ADAMTS17: variants seen among roughly 807,000 people sequenced by gnomAD.
ADAMTS17 encodes ADAM metallopeptidase with thrombospondin type 1 motif 17, also known as A disintegrin and metalloproteinase with thrombospondin motifs 17.
In ADAMTS17, 113 loss-of-function variants were observed where a neutral mutation model predicts 141.5. The ratio of observed to expected loss-of-function variants is 0.80; its 90% confidence interval spans 0.69 to 0.93. ADAMTS17 has a LOEUF of 0.93. Ranked by LOEUF, ADAMTS17 falls within the 40% of genes least tolerant of loss-of-function variation. The probability of loss-of-function intolerance (pLI) is 0.00; values close to 1 mark genes in which losing one functional copy is unlikely to be tolerated. For synonymous variants in ADAMTS17, 768 were observed against 630.6 expected (o/e 1.22, Z -3.27); for missense variants, 1,659 against 1,517.9 (o/e 1.09, Z -1.54).
At chr15:100,179,440 CCT>C (rs767175502) in intron 8 of ADAMTS17, among the ~76,000 whole-genome samples, 1 of 152,256 alleles carries the variant, frequency 6.6e-6, no homozygotes, top group Non-Finnish European at 1.5e-5. Flanking sequence ...TTAATCCATT[CCT>C]CTGTTGATGA....
intron 20 of ADAMTS17, among the ~76,000 whole-genome samples, chr15:99,981,596 T>TCCTCCCCCTA (rs2060483271): frequency 2.0e-5 from 3 of 152,172 alleles, no homozygotes; most frequent in Non-Finnish European, 4.4e-5. Flanking sequence ...GATGCTTCCA[T>TCCTCCCCCTA]GTGTTAGGTG....
chr15:100,107,156 C>T (rs1359561033), intron 14 of ADAMTS17, among the ~76,000 whole-genome samples: 1 of 152,144 alleles, frequency 6.6e-6, no homozygotes, highest in Non-Finnish European at 1.5e-5. Flanking sequence ...CAGCAATCAC[C>T]CTGGAAGCTG....
chr15:100,262,233 C>T (rs1256041255), intron 5 of ADAMTS17, 119 bp downstream of exon 5: 1 of 903,500 alleles, frequency 1.1e-6, no homozygotes, highest in East Asian at 2.5e-5. Flanking sequence ...CTGGCAAAGC[C>T]ACAGAGAGTG....
intron 7 of ADAMTS17, among the ~76,000 whole-genome samples, chr15:100,206,699 G>C (rs2041581196): frequency 6.6e-6 from 1 of 152,142 alleles, no homozygotes; most frequent in Non-Finnish European, 1.5e-5. Flanking sequence ...CTCCATGTGG[G>C]GAACGGGACA....
At chr15:100,215,135 G>A (rs1015070401) in intron 7 of ADAMTS17, among the ~76,000 whole-genome samples, 1 of 152,222 alleles carries the variant, frequency 6.6e-6, no homozygotes, top group Non-Finnish European at 1.5e-5. Flanking sequence ...GCTACAGCCA[G>A]AGGCAGCCCT....
At chr15:100,258,983 A>G (rs1157507567) in intron 6 of ADAMTS17, among the ~76,000 whole-genome samples, 1 of 149,888 alleles carries the variant, frequency 6.7e-6, no homozygotes, top group Non-Finnish European at 1.5e-5. Context: ...CCAAATGCAG[A>G]CCACTTACAA....
At chr15:100,086,145 A>G (rs926835786) in intron 15 of ADAMTS17, among the ~76,000 whole-genome samples, 9 of 152,128 alleles carry the variant, frequency 5.9e-5, no homozygotes, top group Non-Finnish European at 1.2e-4. Context: ...TAAAGGGATG[A>G]AGGAAGACCT....
rs769699043 is a variant in ADAMTS17 at position 100,096,402 on chromosome 15, C to T, written c.2091G>A (p.Lys697=). The change falls in exon 15 of 22, where the codon AAG becomes AAA. Residue 697 remains lysine, a synonymous_variant. Coordinates refer to ENST00000268070, the MANE Select transcript of ADAMTS17 (RefSeq NM_139057.4). ...AGTCGCCCTTCACCAAGTGGCAGGT[C>T]TTGCCGTCCCCGCTGCAGACCCCGC... ...DRCGVCSGDG[K]TCHLVKGDFS... 5.0e-6 allele frequency: 8 copies of T among 1,614,018 alleles called. No individual in the cohort carries two copies. The highest frequency in any genetic ancestry group is 1.7e-5 in the Admixed American group (1 of 60,012).
chr15:100,318,262 A>C (rs183007749), intron 3 of ADAMTS17, among the ~76,000 whole-genome samples: 1 of 150,976 alleles, frequency 6.6e-6, no homozygotes, highest in Admixed American at 6.8e-5. Flanking sequence ...TACCAGACAA[A>C]ATCTAACACC....
At chr15:100,159,104 A>T (rs1331136381) in intron 8 of ADAMTS17, among the ~76,000 whole-genome samples, 1 of 152,248 alleles carries the variant, frequency 6.6e-6, no homozygotes, top group East Asian at 1.9e-4. Flanking sequence ...TGCATGATCC[A>T]ACAATTCTAT....
chr15:100,110,643 T>C (rs554246986), intron 13 of ADAMTS17, among the ~76,000 whole-genome samples: 1 of 152,270 alleles, frequency 6.6e-6, no homozygotes, highest in African/African-American at 2.4e-5. Context: ...GGAATGCATT[T>C]TTCTCCTCTC....
intron 3 of ADAMTS17, among the ~76,000 whole-genome samples, chr15:100,296,174 G>A (rs761809829): frequency 6.6e-6 from 1 of 152,116 alleles, no homozygotes; most frequent in Non-Finnish European, 1.5e-5. Context: ...CAGGTTTTCA[G>A]GTGTCGTACC....
rs1303880024 is a variant in ADAMTS17 at position 99,974,360 on chromosome 15, C to G, written c.*42G>C. Reference sequence around the variant, plus strand: ...GGTAGGCTTGCGGGTGGGTGGGTTTCAGACCTGAGTCTGAGCTTTGAGCGA... The same window carrying G: ...GGTAGGCTTGCGGGTGGGTGGGTTTGAGACCTGAGTCTGAGCTTTGAGCGA... On this transcript the variant is annotated 3_prime_UTR_variant, in exon 22 of 22. Coordinates refer to ENST00000268070, the MANE Select transcript of ADAMTS17 (RefSeq NM_139057.4). 6.2e-7 allele frequency: 1 copy of G among 1,613,258 alleles called. No homozygotes were observed. Among genetic ancestry groups the G allele is most frequent in the African/African-American group, 1.3e-5 (1 of 75,064 alleles).
At chr15:100,083,517 C>T (rs953156454) in intron 15 of ADAMTS17, among the ~76,000 whole-genome samples, 6 of 152,070 alleles carry the variant, frequency 3.9e-5, no homozygotes, top group Non-Finnish European at 7.4e-5. Context: ...CTGAAAACAA[C>T]CACATGTTCA....
chr15:100,057,771 G>A (rs2032715117), intron 15 of ADAMTS17, among the ~76,000 whole-genome samples: 1 of 152,154 alleles, frequency 6.6e-6, no homozygotes, highest in Admixed American at 6.5e-5. Context: ...CCCAGAGACT[G>A]GATGTGAGCC....
intron 18 of ADAMTS17, among the ~76,000 whole-genome samples, chr15:100,044,586 G>A (rs917710007): frequency 7.9e-5 from 12 of 152,110 alleles, no homozygotes; most frequent in African/African-American, 2.4e-4. Flanking sequence ...TTACGTTTCT[G>A]AGCATAGTTA....
intron 3 of ADAMTS17, among the ~76,000 whole-genome samples, chr15:100,307,314 G>T (rs1217786401): frequency 6.6e-6 from 1 of 152,190 alleles, no homozygotes; most frequent in East Asian, 1.9e-4. Context: ...AAAGTTTGGT[G>T]TGACGGGGTT....
chr15:100,215,195 G>A (rs913306592), intron 7 of ADAMTS17, among the ~76,000 whole-genome samples: 3 of 152,202 alleles, frequency 2.0e-5, no homozygotes, highest in East Asian at 1.9e-4. Flanking sequence ...ACAGACTGGC[G>A]AGGCCAGCAA....
rs535694449 is a variant in ADAMTS17 at position 99,971,664 on chromosome 15, C to G, written c.*2738G>C. The G allele has an allele frequency of 3.3e-5, 5 of 152,146 alleles. No individual in the cohort carries two copies. The highest frequency in any genetic ancestry group is 2.1e-4 in the South Asian group (1 of 4,828). 9.4% of individuals were successfully genotyped at this position (152,146 alleles called of 1,614,324 possible). A position where few individuals can be genotyped will look rare whatever the true frequency, so the allele number is the denominator to read the frequency against. Reference sequence around the variant, plus strand: ...GACTCTGAAACGAAAAAAGGACAATCGTATTGCCATAGAGGCTCTTTTCCT... The same window carrying G: ...GACTCTGAAACGAAAAAAGGACAATGGTATTGCCATAGAGGCTCTTTTCCT... On this transcript the variant is annotated 3_prime_UTR_variant, in exon 22 of 22. Coordinates refer to ENST00000268070, the MANE Select transcript of ADAMTS17 (RefSeq NM_139057.4).
Sources: allele counts gnomAD v4.1 joint callset (sites outside exome capture counted in the v4.1 genomes callset), GRCh38; gene constraint gnomAD v4.1.1; transcripts MANE v1.5; gene names NCBI Gene and HGNC (gene_info 2026-07-23, HGNC 2026-07-21).